TLN2: variants seen among roughly 807,000 people sequenced by gnomAD.
TLN2 encodes the protein talin 2, also known as talin-2.
In TLN2, 118 loss-of-function variants were observed where a neutral mutation model predicts 294.7. That is an observed-to-expected ratio of 0.40 (90% confidence interval 0.34 to 0.47). The LOEUF (loss-of-function observed/expected upper bound fraction) is 0.47, where lower values mean the gene tolerates loss of function less well. Among genes scored for constraint, TLN2 ranks in the 20% least tolerant of loss-of-function variants. The probability of loss-of-function intolerance (pLI) is 0.84; values close to 1 mark genes in which losing one functional copy is unlikely to be tolerated. For missense variants in TLN2, 3,083 were observed against 3,282.2 expected (o/e 0.94, Z 1.48); for synonymous variants, 1,431 against 1,304.5 (o/e 1.10, Z -2.09).
chr15:62,664,789 C>T (rs565417290), intron 9 of TLN2, among the ~76,000 whole-genome samples: 3 of 126,926 alleles, frequency 2.4e-5, no homozygotes, highest in South Asian at 2.7e-4. Flanking sequence ...ACCTGGGAGG[C>T]GGAGGTTGCA....
chr15:62,807,767 G>A (rs1056021771), intron 51 of TLN2, among the ~76,000 whole-genome samples: 1 of 152,162 alleles, frequency 6.6e-6, no homozygotes, highest in Non-Finnish European at 1.5e-5. Context: ...GGACAAGATA[G>A]CAGCCAGAGC....
At chr15:62,490,881 T>C (rs148107505) in intron 1 of TLN2, among the ~76,000 whole-genome samples, 185 of 152,322 alleles carry the variant, frequency 1.2e-3, no homozygotes, top group African/African-American at 4.2e-3. Flanking sequence ...AAATCTGAGA[T>C]AGGTCTCAGT....
chr15:62,685,130 A>T (rs1358371402), intron 11 of TLN2, among the ~76,000 whole-genome samples: 1 of 152,076 alleles, frequency 6.6e-6, no homozygotes, highest in East Asian at 1.9e-4. Context: ...TGAGATGTTC[A>T]GTGCCTTTTT....
chr15:62,483,951 G>A (rs560819413), intron 1 of TLN2, among the ~76,000 whole-genome samples: 8 of 152,326 alleles, frequency 5.3e-5, no homozygotes, highest in African/African-American at 1.9e-4. Context: ...AGTGCGTAGA[G>A]AAGATGTTAG....
In TLN2 at chr15:62,701,265, GT is replaced by G. The variant is rs112892235; in HGVS notation, c.1696+62del. 10,699 of 1,117,728 alleles carry G rather than the reference GT, an allele frequency of 9.6e-3. 13 individuals carry two copies. Among genetic ancestry groups the G allele is most frequent in the East Asian group, 0.027 (888 of 32,706 alleles). 69.2% of individuals were successfully genotyped at this position (1,117,728 alleles called of 1,614,324 possible). A position where few individuals can be genotyped will look rare whatever the true frequency, so the allele number is the denominator to read the frequency against. ...CATTGGGGTTTTGTTTAAAAGCTGT[GT>G]TTTTTTTTTTAATTTTAAAAAATAA... On this transcript the variant is annotated intron_variant, in intron 17 of 58. Coordinates refer to ENST00000636159, the MANE Select transcript of TLN2 (RefSeq NM_015059.3).
chr15:62,641,184 CT>C (rs2051047581), intron 3 of TLN2, among the ~76,000 whole-genome samples: 2 of 152,222 alleles, frequency 1.3e-5, no homozygotes, highest in African/African-American at 2.4e-5. Context: ...TCTTTGCCCC[CT>C]AATGCCTGTT....
intron 14 of TLN2, among the ~76,000 whole-genome samples, chr15:62,696,412 A>G (rs898988245): frequency 5.9e-5 from 9 of 152,226 alleles, no homozygotes; most frequent in South Asian, 2.1e-4. Flanking sequence ...TGAAGTAAAA[A>G]ATGCAATTTT....
chr15:62,837,851 C>G (rs542816877), intron 57 of TLN2, among the ~76,000 whole-genome samples: 1 of 152,274 alleles, frequency 6.6e-6, no homozygotes, highest in South Asian at 2.1e-4. Flanking sequence ...AGTTCACAGA[C>G]CAGATGGGGC....
At chr15:62,571,451 C>T (rs1021203290) in intron 1 of TLN2, among the ~76,000 whole-genome samples, 1 of 152,252 alleles carries the variant, frequency 6.6e-6, no homozygotes, top group African/African-American at 2.4e-5. Context: ...CCCTACGGAA[C>T]TGTCCGTCTA....
Position 62,656,092 on chromosome 15 carries a change from G to T in TLN2, c.660+6G>T. The stretch of plus-strand genomic sequence containing the variant: ...TGAACTTGCTTTATGTTCAGGTACA[G>T]TATTTACTGCTCAGACACTGAGGTT... On this transcript the variant is annotated splice_donor_region_variant and intron_variant, in intron 8 of 58. Coordinates refer to ENST00000636159, the MANE Select transcript of TLN2 (RefSeq NM_015059.3). 1 of 1,613,888 alleles carries T rather than the reference G, an allele frequency of 6.2e-7. No individual in the cohort carries two copies.
chr15:62,693,502 C>T (rs985410309), intron 13 of TLN2, among the ~76,000 whole-genome samples: 11 of 152,292 alleles, frequency 7.2e-5, no homozygotes, highest in Non-Finnish European at 1.2e-4. Flanking sequence ...ATGAATGAGC[C>T]TAGCACCCCT....
At chr15:62,640,268 G>A (rs1176755125) in intron 3 of TLN2, 1 of 456,044 alleles carries the variant, frequency 2.2e-6, no homozygotes, top group East Asian at 6.9e-5. Flanking sequence ...ATTCCTGGGA[G>A]ATTGAGATGT....
intron 3 of TLN2, chr15:62,638,287 G>C: frequency 2.9e-6 from 1 of 340,044 alleles, no homozygotes; most frequent in Non-Finnish European, 5.7e-6. Context: ...TTAATAAAGG[G>C]CAGCACTCAG....
chr15:62,733,365 G>A (rs895093693), intron 28 of TLN2, among the ~76,000 whole-genome samples: 8 of 152,298 alleles, frequency 5.3e-5, no homozygotes, highest in Middle Eastern at 3.4e-3. Context: ...AAGAGAGAGC[G>A]TGTGTGGAAA....
intron 42 of TLN2, among the ~76,000 whole-genome samples, chr15:62,773,633 A>G (rs1431783990): frequency 6.6e-6 from 1 of 152,158 alleles, no homozygotes; most frequent in African/African-American, 2.4e-5. Flanking sequence ...TAGGTGTTAT[A>G]TATCCCTGTT....
chr15:62,677,735 C>A (rs1332027814), intron 11 of TLN2, among the ~76,000 whole-genome samples: 1 of 140,260 alleles, frequency 7.1e-6, no homozygotes, highest in Non-Finnish European at 1.5e-5. Flanking sequence ...CCTTCTTTCT[C>A]TTTATTTTTT....
chr15:62,640,377 A>C (rs1315511107), intron 3 of TLN2: 1 of 456,784 alleles, frequency 2.2e-6, no homozygotes, highest in Non-Finnish European at 4.4e-6. Flanking sequence ...AGGCAGAGAG[A>C]AGAGGGGGAC....
chr15:62,714,394 G>C (rs907806448), intron 22 of TLN2, among the ~76,000 whole-genome samples: 2 of 151,760 alleles, frequency 1.3e-5, no homozygotes, highest in Non-Finnish European at 2.9e-5. Flanking sequence ...AGTAGAGACA[G>C]GGTTTCCCCG....
intron 1 of TLN2, among the ~76,000 whole-genome samples, chr15:62,460,768 A>C (rs1390695844): frequency 6.6e-6 from 1 of 152,184 alleles, no homozygotes; most frequent in African/African-American, 2.4e-5. Flanking sequence ...AATGAACACA[A>C]ATCATAACTG....
Sources: allele counts gnomAD v4.1 joint callset (sites outside exome capture counted in the v4.1 genomes callset), GRCh38; gene constraint gnomAD v4.1.1; transcripts MANE v1.5; gene names NCBI Gene and HGNC (gene_info 2026-07-23, HGNC 2026-07-21).